Variants in TANC2 observed in about 807,000 individuals in gnomAD.
TANC2 encodes protein TANC2.
TANC2 carries 26 observed loss-of-function variants against 210.5 expected under a neutral mutation model. The observed-to-expected ratio is 0.12, with a 90% confidence interval of 0.09 to 0.17. TANC2 has a LOEUF of 0.17. Among genes scored for constraint, TANC2 ranks in the 10% least tolerant of loss-of-function variants. The pLI is 1.00. For synonymous variants in TANC2, 931 were observed against 967.1 expected, an observed-to-expected ratio of 0.96 and a Z score of 0.69; for missense variants, 2,129 against 2,608.9, an observed-to-expected ratio of 0.82 and a Z score of 4.01.
At chr17:63,358,376 A>ATGTGTGTGTGTGTGTGTGTGTGT (rs1555641222) in intron 14 of TANC2, among the ~76,000 whole-genome samples, 1 of 80,942 alleles carries the variant, frequency 1.2e-5, no homozygotes, top group African/African-American at 3.7e-5. Context: ...AGAGAGAGAG[A>ATGTGTGTGTGTGTGTGTGTGTGT]GTATGTGTGT....
intron 2 of TANC2, among the ~76,000 whole-genome samples, chr17:63,013,186 C>T (rs897772510): frequency 6.6e-6 from 1 of 151,964 alleles, no homozygotes; most frequent in Non-Finnish European, 1.5e-5. Context: ...GATCCTCCTG[C>T]CTTAGCCACC....
intron 8 of TANC2, among the ~76,000 whole-genome samples, chr17:63,250,471 G>T (rs952949491): frequency 2.6e-5 from 4 of 151,924 alleles, no homozygotes; most frequent in Non-Finnish European, 5.9e-5. Flanking sequence ...TAAGACTAGC[G>T]CTATAAGGTA....
At chr17:63,171,652 A>G (rs889675185) in intron 5 of TANC2, among the ~76,000 whole-genome samples, 47 of 152,364 alleles carry the variant, frequency 3.1e-4, no homozygotes, top group Admixed American at 2.7e-3. Flanking sequence ...TTGCAAACCA[A>G]TTTTGAAAGG....
chr17:63,335,612 C>CAA (rs779066987), intron 11 of TANC2, among the ~76,000 whole-genome samples: 6 of 118,010 alleles, frequency 5.1e-5, no homozygotes, highest in South Asian at 2.8e-4. Flanking sequence ...GACTCTTTCT[C>CAA]AAAAAAAAAA....
intron 5 of TANC2, among the ~76,000 whole-genome samples, chr17:63,160,902 A>T (rs2040003171): frequency 6.6e-6 from 1 of 152,172 alleles, no homozygotes; most frequent in Non-Finnish European, 1.5e-5. Flanking sequence ...CCCCATGGTC[A>T]TCCTCAAATA....
chr17:63,379,944 G>C (rs921988133), intron 15 of TANC2, 118 bp downstream of exon 15: 13 of 802,086 alleles, frequency 1.6e-5, no homozygotes, highest in Non-Finnish European at 2.4e-5. Flanking sequence ...TGCAAACTTG[G>C]TTCATCTCCC....
intron 4 of TANC2, among the ~76,000 whole-genome samples, chr17:63,139,747 T>C (rs2039218901): frequency 6.6e-6 from 1 of 152,042 alleles, no homozygotes; most frequent in Non-Finnish European, 1.5e-5. Context: ...ACAAAACATT[T>C]TTATAAATTA....
At chr17:63,376,092 GA>G (rs2047415558) in intron 14 of TANC2, among the ~76,000 whole-genome samples, 1 of 151,370 alleles carries the variant, frequency 6.6e-6, no homozygotes, top group Admixed American at 6.6e-5. Flanking sequence ...ATCTCAAAAA[GA>G]AAAAAATAAA....
At chr17:63,354,879 C>T (rs1243256124) in exon 14 of TANC2, 12 of 1,613,626 alleles carry the variant, frequency 7.4e-6, no homozygotes, top group African/African-American at 1.3e-5. Context: ...CATCCTGCAC[C>T]GGATACACAG....
intron 6 of TANC2, among the ~76,000 whole-genome samples, chr17:63,198,449 G>A (rs2041418650): frequency 6.6e-6 from 1 of 152,270 alleles, no homozygotes; most frequent in East Asian, 1.9e-4. Context: ...CCTGCCTCAA[G>A]CCTCCCAAAG....
At chr17:63,410,271 G>A (rs964720209) in intron 21 of TANC2, among the ~76,000 whole-genome samples, 7 of 151,662 alleles carry the variant, frequency 4.6e-5, no homozygotes, top group South Asian at 2.1e-4. Context: ...AACTAGTACC[G>A]TAGATCTCTT....
chr17:63,111,315 T>C (rs2038034111), intron 4 of TANC2, among the ~76,000 whole-genome samples: 1 of 151,938 alleles, frequency 6.6e-6, no homozygotes, highest in African/African-American at 2.4e-5. Flanking sequence ...AAAAAAGTAA[T>C]TAATTAAATA....
In TANC2 at chr17:63,114,338, A is replaced by G. The variant is rs147938984; in HGVS notation, c.322+14981A>G. 1.2e-3 allele frequency among the ~76,000 whole-genome samples: 179 copies of G among 152,326 alleles called. 1 individual carries two copies. Among genetic ancestry groups the G allele is most frequent in the African/African-American group, 3.7e-3 (152 of 41,578 alleles). On this transcript the variant is annotated intron_variant, in intron 4 of 27. Transcript: ENST00000689528. ...GAAATACTGCTTCTCAGTATATCCA[A>G]CCCTGCCAGTTTATCCTTTAGAGTT...
intron 17 of TANC2, among the ~76,000 whole-genome samples, chr17:63,395,468 A>T (rs1452209675): frequency 6.6e-6 from 1 of 152,198 alleles, no homozygotes; most frequent in Non-Finnish European, 1.5e-5. Context: ...ACGAAGCTCA[A>T]ACTGAGAGTT....
At chr17:63,253,839 G>T (rs1012400802) in intron 8 of TANC2, among the ~76,000 whole-genome samples, 5 of 152,016 alleles carry the variant, frequency 3.3e-5, no homozygotes, top group African/African-American at 1.2e-4. Context: ...GGTAGAGACA[G>T]GTTTTCACCA....
intron 4 of TANC2, chr17:63,149,316 C>T (rs2039568252): frequency 6.6e-6 from 1 of 152,092 alleles, no homozygotes; most frequent in Non-Finnish European, 1.5e-5. Context: ...GAACCCTGAT[C>T]TTTTCCCTTG....
intron 1 of TANC2, among the ~76,000 whole-genome samples, chr17:62,977,763 A>G (rs2032090833): frequency 6.6e-6 from 1 of 152,110 alleles, no homozygotes; most frequent in Admixed American, 6.6e-5. Context: ...TCAATAAAGA[A>G]AAAGTTGATA....
intron 4 of TANC2, among the ~76,000 whole-genome samples, chr17:63,101,647 A>G (rs2037625104): frequency 6.6e-6 from 1 of 152,234 alleles, no homozygotes; most frequent in African/African-American, 2.4e-5. Context: ...CCTGCCTTCA[A>G]GGATTTTATA....
At chr17:63,384,258 A>G (rs189950005) in intron 15 of TANC2, among the ~76,000 whole-genome samples, 7 of 152,056 alleles carry the variant, frequency 4.6e-5, no homozygotes, top group African/African-American at 1.7e-4. Flanking sequence ...TTTTGTAGAG[A>G]TGGGGGTCTC....
Sources: gnomAD v4.1 joint callset for allele counts (sites outside exome capture counted in the v4.1 genomes callset) on GRCh38, gnomAD v4.1.1 for gene constraint, MANE v1.5 for transcripts, NCBI Gene and HGNC (gene_info 2026-07-23, HGNC 2026-07-21) for gene names.